The following TIPIN variants were observed in gnomAD, a reference collection of about 807,000 sequenced individuals.
The protein encoded by TIPIN is TIMELESS-interacting protein.
TIPIN carries 29 observed loss-of-function variants against 35.6 expected under a neutral mutation model. The ratio of observed to expected loss-of-function variants is 0.82; its 90% CI spans 0.61 to 1.11. TIPIN has a LOEUF of 1.11. Ranked by LOEUF, TIPIN falls within the 50% of genes most tolerant of loss-of-function variation. TIPIN has a pLI of 0.00. For missense variants in TIPIN, 296 were observed against 345.4 expected (o/e 0.86, Z 1.13); for synonymous variants, 102 against 121.5 (o/e 0.84, Z 1.06).
upstream of TIPIN, among the ~76,000 whole-genome samples, chr15:66,361,593 G>T (rs1191455765): frequency 6.7e-6 from 1 of 148,660 alleles, no homozygotes; most frequent in Non-Finnish European, 1.5e-5. Context: ...CAAAAAGCAA[G>T]AACCTATTGT....
chr15:66,364,410 C>T (rs1012117586), intron 1 of TIPIN, among the ~76,000 whole-genome samples: 4 of 151,720 alleles, frequency 2.6e-5, no homozygotes, highest in African/African-American at 7.3e-5. Context: ...GTGATCTGCC[C>T]GCCTCGGCTT....
At chr15:66,363,743 G>A (rs1038510781) in intron 1 of TIPIN, among the ~76,000 whole-genome samples, 1 of 151,508 alleles carries the variant, frequency 6.6e-6, no homozygotes, top group African/African-American at 2.4e-5. Context: ...AGCACTTTGG[G>A]AGGCCAAGGT....
At chr15:66,352,764 A>C in intron 2 of TIPIN, 51 bp downstream of exon 2, 43 of 1,529,516 alleles carry the variant, frequency 2.8e-5, no homozygotes, top group Non-Finnish European at 3.3e-5. Context: ...TACAGGCATG[A>C]GCCACCGTGC....
chr15:66,350,426 G>A (rs1386409442), intron 4 of TIPIN, among the ~76,000 whole-genome samples: 2 of 149,954 alleles, frequency 1.3e-5, no homozygotes, highest in African/African-American at 4.9e-5. Flanking sequence ...CCAACATGGT[G>A]ATACCCCATC....
intron 1 of TIPIN, among the ~76,000 whole-genome samples, chr15:66,369,594 C>T (rs1384805629): frequency 2.6e-5 from 4 of 151,856 alleles, no homozygotes; most frequent in South Asian, 2.1e-4. Flanking sequence ...GTGATCCACC[C>T]GCCTCAGCCT....
At chr15:66,379,904 A>AGTGAAGACCATTCTC in intron 1 of TIPIN, 2 of 1,542,084 alleles carry the variant, frequency 1.3e-6, no homozygotes, top group Non-Finnish European at 8.8e-7. Context: ...GATTAATGAG[A>AGTGAAGACCATTCTC]ATGGTCTTCA....
chr15:66,345,112 T>C (rs1409881977), intron 6 of TIPIN, among the ~76,000 whole-genome samples: 7 of 150,572 alleles, frequency 4.6e-5, no homozygotes, highest in Non-Finnish European at 1.5e-5. Flanking sequence ...ATGATGGGAG[T>C]GGGGATGCAA....
At chr15:66,356,735 C>T (rs2093206764), upstream of TIPIN, 10 of 985,306 alleles carry the variant, frequency 1.0e-5, no homozygotes, top group South Asian at 3.3e-4. Flanking sequence ...GAAGGGCCCG[C>T]AGCGTTTGGC....
At chr15:66,379,897 T>A in intron 1 of TIPIN, 2 of 1,560,882 alleles carry the variant, frequency 1.3e-6, no homozygotes, top group Middle Eastern at 2.3e-4. Flanking sequence ...ACAGTCTGAT[T>A]AATGAGAATG....
rs536702136 is a variant in TIPIN at position 66,368,755 on chromosome 15, A to T, written c.-8-15800T>A. On this transcript the variant is annotated intron_variant, in intron 1 of 7. Coordinates refer to the TIPIN transcript ENST00000562124. Reference sequence around the variant, plus strand: ...TGATAGACAAAGGAAAAATAATCATATTATTGTTTTTTGGCATAATCAAGA... The same window carrying T: ...TGATAGACAAAGGAAAAATAATCATTTTATTGTTTTTTGGCATAATCAAGA... Among the ~76,000 whole-genome samples the T allele has an allele frequency of 3.3e-4, 51 of 152,278 alleles. No homozygotes were observed. The South Asian group carries it at 9.5e-3, about 28-fold the overall frequency.
At chr15:66,366,964 C>T (rs1287064542) in intron 1 of TIPIN, 8 of 880,534 alleles carry the variant, frequency 9.1e-6, no homozygotes, top group Non-Finnish European at 1.1e-5. Context: ...GGTGATCACT[C>T]GAGGTCAGGA....
rs774275285 is a variant in TIPIN at position 66,352,896 on chromosome 15, C to T, written c.52G>A (p.Val18Ile). The change falls in exon 2 of 8, where the codon GTA (valine) becomes ATA (isoleucine). Residue 18 changes from valine (V) to isoleucine (I), a missense_variant. Physicochemically the swap from Val to Ile is conservative, Grantham distance 29. Coordinates refer to ENST00000261881, the MANE Select transcript of TIPIN (RefSeq NM_017858.3). ...GVIDLPDYEH[V>I]EDETFPPFPP... ...AAAGGAGGAAAAGTTTCATCTTCTA[C>T]ATGCTCATAATCTGGTAGGTCAATC... 2 of 1,614,124 alleles carry T rather than the reference C, an allele frequency of 1.2e-6. No homozygotes were observed. The highest frequency in any genetic ancestry group is 2.2e-5 in the South Asian group (2 of 91,078).
intron 1 of TIPIN, chr15:66,379,363 C>T: frequency 6.3e-7 from 1 of 1,597,058 alleles, no homozygotes. Context: ...TGAACAGTTC[C>T]TTTTTCAGAG....
intron 4 of TIPIN, among the ~76,000 whole-genome samples, chr15:66,349,874 T>C (rs2093155163): frequency 1.3e-5 from 2 of 152,004 alleles, no homozygotes; most frequent in Non-Finnish European, 2.9e-5. Context: ...CGAGATCCTA[T>C]ATCCAAAAAA....
upstream of TIPIN, among the ~76,000 whole-genome samples, chr15:66,358,870 C>A (rs1361767817): frequency 2.0e-5 from 3 of 151,832 alleles, no homozygotes; most frequent in African/African-American, 7.3e-5. Context: ...ATGGTGAAAC[C>A]CCGTCTCAAT....
intron 6 of TIPIN, among the ~76,000 whole-genome samples, chr15:66,342,845 A>G (rs949281529): frequency 1.3e-5 from 2 of 152,266 alleles, no homozygotes; most frequent in Non-Finnish European, 2.9e-5. Flanking sequence ...AACTCAAGGT[A>G]GGATGTCCCC....
chr15:66,345,672 C>T (rs1337234499), intron 6 of TIPIN, among the ~76,000 whole-genome samples: 1 of 151,942 alleles, frequency 6.6e-6, no homozygotes, highest in African/African-American at 2.4e-5. Flanking sequence ...GATCGCACCA[C>T]TGCACTCCAG....
chr15:66,344,588 C>T (rs755650593), intron 6 of TIPIN, among the ~76,000 whole-genome samples: 1 of 151,386 alleles, frequency 6.6e-6, no homozygotes, highest in African/African-American at 2.4e-5. Context: ...CAGCAGCTCA[C>T]GCCTATAATC....
intron 1 of TIPIN, 71 bp downstream of exon 1, chr15:66,356,547 GTCTGGCTCCCTGGCTCTTCCA>G (rs1288732026): frequency 9.6e-6 from 9 of 938,820 alleles, no homozygotes; most frequent in Non-Finnish European, 1.1e-5. Flanking sequence ...CCGCTAGTCT[GTCTGGCTCCCTGGCTCTTCCA>G]TCTGGCTCCC....
Sources: allele counts gnomAD v4.1 joint callset (sites outside exome capture counted in the v4.1 genomes callset), GRCh38; gene constraint gnomAD v4.1.1; transcripts MANE v1.5; gene names NCBI Gene and HGNC (gene_info 2026-07-23, HGNC 2026-07-21).